Variants in SRPK2 observed in about 807,000 individuals in gnomAD.
The protein encoded by SRPK2 is SRSF protein kinase 2, also known as SFRS protein kinase 2.
In SRPK2, 21 loss-of-function variants were observed where a neutral mutation model predicts 90.8. That is an observed-to-expected ratio of 0.23 (90% confidence interval 0.16 to 0.33). SRPK2 has a LOEUF of 0.33. Ranked by LOEUF, SRPK2 falls within the 10% of genes least tolerant of loss-of-function variation. The probability of loss-of-function intolerance (pLI) is 1.00; values close to 1 mark genes in which losing one functional copy is unlikely to be tolerated. For missense variants in SRPK2, 620 were observed against 869.0 expected (o/e 0.71, Z 3.60); for synonymous variants, 288 against 311.1 (o/e 0.93, Z 0.78).
At chr7:105,280,388 A>AT (rs1232017700) in intron 2 of SRPK2, among the ~76,000 whole-genome samples, 1 of 151,862 alleles carries the variant, frequency 6.6e-6, no homozygotes, top group African/African-American at 2.4e-5. Context: ...ACACCACTGC[A>AT]TGCCATCCTG....
Position 105,157,671 on chromosome 7 carries a change from C to A in SRPK2, c.621+2836G>T, listed in dbSNP as rs148728642. ...ACTGCATATAAGAACAAAGTGCAGA[C>A]CACATGACACAATCAAATTTTCAGC... On this transcript the variant is annotated intron_variant, in intron 7 of 15. Coordinates refer to ENST00000393651, the MANE Select transcript of SRPK2 (RefSeq NM_182692.3). Among the ~76,000 whole-genome samples the A allele has an allele frequency of 7.3e-4, 111 of 152,238 alleles. 1 individual carries two copies. The highest frequency in any genetic ancestry group is 1.1e-3 in the Admixed American group (17 of 15,298).
chr7:105,304,156 AT>A (rs1406961087), intron 2 of SRPK2: 3 of 152,222 alleles, frequency 2.0e-5, no homozygotes, highest in African/African-American at 4.8e-5. Flanking sequence ...AATTGGACCC[AT>A]TGTTCAAGAC....
In SRPK2 at chr7:105,247,531, A is replaced by AACACACACACACACACACACACAC. The variant is rs59040708; in HGVS notation, c.72-43770_72-43747dup. Among the ~76,000 whole-genome samples, 335 of 145,244 alleles carry AACACACACACACACACACACACAC rather than the reference A, an allele frequency of 2.3e-3. 1 individual carries two copies. The highest frequency in any genetic ancestry group is 4.3e-3 in the Non-Finnish European group (284 of 66,430). The stretch of plus-strand genomic sequence containing the variant: ...ATACCAAAAAACACACACACACATA[A>AACACACACACACACACACACACAC]ACACACACACACACACACACACACA... On this transcript the variant is annotated intron_variant, in intron 2 of 15. Transcript: ENST00000393651.
chr7:105,184,703 TA>T (rs1793348040), intron 3 of SRPK2, among the ~76,000 whole-genome samples: 1 of 152,200 alleles, frequency 6.6e-6, no homozygotes, highest in African/African-American at 2.4e-5. Context: ...TGGCTGGATG[TA>T]AAATATTTGA....
intron 2 of SRPK2, among the ~76,000 whole-genome samples, chr7:105,223,210 T>C (rs542602657): frequency 5.9e-5 from 9 of 152,312 alleles, no homozygotes; most frequent in African/African-American, 1.7e-4. Flanking sequence ...CTGTCATCTC[T>C]TCAGCTGAAA....
At chr7:105,128,071 AGGCTCACCTGCCTG>A (rs1801460058) in intron 13 of SRPK2, among the ~76,000 whole-genome samples, 1 of 152,190 alleles carries the variant, frequency 6.6e-6, no homozygotes, top group South Asian at 2.1e-4. Flanking sequence ...CTTTAAGGGA[AGGCTCACCTGCCTG>A]GGTGAGGGGC....
rs141649827 is a variant in SRPK2 at position 105,126,323 on chromosome 7, T to C, written c.1840A>G (p.Ile614Val). 12 of 1,613,710 alleles carry C rather than the reference T, an allele frequency of 7.4e-6. No individual in the cohort carries two copies. Among genetic ancestry groups the C allele is most frequent in the Middle Eastern group, 3.3e-4 (2 of 6,084 alleles). ...SRDEDHIAHI[I>V]ELLGSIPRHF... The stretch of plus-strand genomic sequence containing the variant: ...CTTGGAATACTGCCTAGCAGCTCTA[T>C]GATGTGGGCTATGTGGTCTATGGAG... Residue 614 changes from isoleucine to valine, a missense_variant, in exon 15 of 16, where the codon ATA (isoleucine) becomes GTA (valine). Coordinates refer to ENST00000393651, the MANE Select transcript of SRPK2 (RefSeq NM_182692.3).
At chr7:105,342,364 T>TAAA (rs1263969212) in intron 2 of SRPK2, among the ~76,000 whole-genome samples, 5 of 149,448 alleles carry the variant, frequency 3.3e-5, no homozygotes, top group African/African-American at 1.2e-4. Flanking sequence ...AATAATTAAA[T>TAAA]AAAATAAAAA....
chr7:105,257,182 G>A (rs1254653622), intron 2 of SRPK2, among the ~76,000 whole-genome samples: 1 of 152,032 alleles, frequency 6.6e-6, no homozygotes, highest in Non-Finnish European at 1.5e-5. Context: ...AGCAGCTGCT[G>A]AAAAAAATGC....
intron 2 of SRPK2, among the ~76,000 whole-genome samples, chr7:105,215,827 G>T (rs1268763248): frequency 6.6e-6 from 1 of 152,172 alleles, no homozygotes; most frequent in African/African-American, 2.4e-5. Context: ...GCGTAAGGCT[G>T]GAGGGGTACA....
chr7:105,120,778 T>TA (rs570309578), intron 15 of SRPK2, among the ~76,000 whole-genome samples: 74 of 152,260 alleles, frequency 4.9e-4, no homozygotes, highest in Non-Finnish European at 9.7e-4. Flanking sequence ...GTATAAGAAG[T>TA]AACCTTGCCC....
intron 2 of SRPK2, among the ~76,000 whole-genome samples, chr7:105,331,035 C>G (rs1814250115): frequency 6.6e-6 from 1 of 151,918 alleles, no homozygotes; most frequent in Admixed American, 6.6e-5. Context: ...GGCACGATGG[C>G]TCACGCCTAT....
At chr7:105,389,493 C>G (rs1822081551), upstream of SRPK2, 2 of 997,698 alleles carry the variant, frequency 2.0e-6, no homozygotes, top group Non-Finnish European at 2.5e-6. Flanking sequence ...CTCTAAGTGC[C>G]CTCCAGGATT....
intron 2 of SRPK2, among the ~76,000 whole-genome samples, chr7:105,300,519 G>T (rs1585610719): frequency 6.6e-6 from 1 of 152,026 alleles, no homozygotes; most frequent in East Asian, 1.9e-4. Flanking sequence ...TACAACTAAT[G>T]GAAATTAATG....
intron 3 of SRPK2, among the ~76,000 whole-genome samples, chr7:105,175,274 A>G (rs1276605506): frequency 6.6e-6 from 1 of 152,214 alleles, no homozygotes; most frequent in Non-Finnish European, 1.5e-5. Flanking sequence ...ATTCAAAAAT[A>G]ACCCATGGGA....
At chr7:105,121,918 A>C (rs931776959) in intron 15 of SRPK2, among the ~76,000 whole-genome samples, 1 of 152,244 alleles carries the variant, frequency 6.6e-6, no homozygotes, top group African/African-American at 2.4e-5. Context: ...AGGACTCTAA[A>C]GGCAAATCCT....
chr7:105,205,352 G>GA (rs1796058952), intron 2 of SRPK2, among the ~76,000 whole-genome samples: 2 of 152,270 alleles, frequency 1.3e-5, no homozygotes, highest in South Asian at 4.1e-4. Context: ...TTTATAAGCT[G>GA]AAAATGTACT....
intron 2 of SRPK2, among the ~76,000 whole-genome samples, chr7:105,280,802 C>G (rs1380099538): frequency 6.6e-6 from 1 of 151,066 alleles, no homozygotes. Context: ...AAAAAATTAG[C>G]CGGGCGTGGT....
At chr7:105,196,682 T>C (rs937014222) in intron 3 of SRPK2, among the ~76,000 whole-genome samples, 1 of 152,228 alleles carries the variant, frequency 6.6e-6, no homozygotes, top group South Asian at 2.1e-4. Context: ...AATATTTCTT[T>C]TGTTTGTTAT....
Sources: allele counts gnomAD v4.1 joint callset (sites outside exome capture counted in the v4.1 genomes callset), GRCh38; gene constraint gnomAD v4.1.1; transcripts MANE v1.5; gene names NCBI Gene and HGNC (gene_info 2026-07-23, HGNC 2026-07-21).